RUNDC3B: variants seen among roughly 807,000 people sequenced by gnomAD.
RUNDC3B encodes the protein RUN domain-containing protein 3B.
In RUNDC3B, 33 loss-of-function variants were observed where a neutral mutation model predicts 58.4. That is an observed-to-expected ratio of 0.56 (90% CI 0.43 to 0.75). The LOEUF (loss-of-function observed/expected upper bound fraction) is 0.75, where lower values mean the gene tolerates loss of function less well. Ranked by LOEUF, RUNDC3B falls within the 30% of genes least tolerant of loss-of-function variation. The pLI, the probability that RUNDC3B is intolerant of heterozygous loss-of-function variation, is 0.00. For synonymous variants in RUNDC3B, 193 were observed against 195.2 expected (o/e 0.99, Z 0.10); for missense variants, 501 against 535.7 (o/e 0.94, Z 0.64).
intron 4 of RUNDC3B, among the ~76,000 whole-genome samples, chr7:87,726,028 C>A (rs1831209311): frequency 6.6e-6 from 1 of 152,076 alleles, no homozygotes; most frequent in African/African-American, 2.4e-5. Flanking sequence ...AAATGTTCTC[C>A]CATTCTGTAG....
chr7:87,689,248 T>C (rs1157489481), intron 2 of RUNDC3B, among the ~76,000 whole-genome samples: 1 of 152,128 alleles, frequency 6.6e-6, no homozygotes, highest in African/African-American at 2.4e-5. Context: ...TCCAATTTCA[T>C]GTCTAACAGA....
intron 8 of RUNDC3B, among the ~76,000 whole-genome samples, chr7:87,784,287 C>CT (rs1835090173): frequency 6.6e-6 from 1 of 152,242 alleles, no homozygotes; most frequent in East Asian, 1.9e-4. Context: ...AGGAAATTCT[C>CT]TGAGTTTTTG....
Position 87,773,741 on chromosome 7 carries a change from G to T in RUNDC3B, c.798+2992G>T, listed in dbSNP as rs537491027. 1.2e-4 allele frequency among the ~76,000 whole-genome samples: 18 copies of T among 151,914 alleles called. No individual in the cohort carries two copies. The East Asian group carries it at 3.5e-3, about 29-fold the overall frequency. On this transcript the variant is annotated intron_variant, in intron 7 of 10. Transcript: ENST00000394654. ...CACCCAGGCTGGAGTGCAGTGGCGC[G>T]ATCTTGGCTCACTGAAACCTCCACC... is the stretch of plus-strand genomic sequence containing the variant.
At chr7:87,798,581 T>TCAAGCTCA (rs1197756344) in intron 8 of RUNDC3B, among the ~76,000 whole-genome samples, 4 of 152,236 alleles carry the variant, frequency 2.6e-5, no homozygotes, top group Admixed American at 2.6e-4. Flanking sequence ...ACAAGATATC[T>TCAAGCTCA]CAAGCTCATC....
At chr7:87,704,178 C>G (rs944429797) in intron 3 of RUNDC3B, among the ~76,000 whole-genome samples, 1 of 151,924 alleles carries the variant, frequency 6.6e-6, no homozygotes, top group Non-Finnish European at 1.5e-5. Flanking sequence ...GCCTCAGCCT[C>G]GCAAAGTGCT....
chr7:87,740,975 C>A (rs187795132), intron 5 of RUNDC3B, among the ~76,000 whole-genome samples: 135 of 152,130 alleles, frequency 8.9e-4, no homozygotes, highest in African/African-American at 3.2e-3. Flanking sequence ...GAGGCTGAGG[C>A]GGGCAGATCA....
At chr7:87,727,723 T>C (rs574167052) in intron 4 of RUNDC3B, among the ~76,000 whole-genome samples, 128 of 152,286 alleles carry the variant, frequency 8.4e-4, no homozygotes, top group African/African-American at 3.1e-3. Context: ...AAATATTTTT[T>C]ATCTTATCAA....
In RUNDC3B at chr7:87,733,791, C is replaced by G. The variant is rs115862128; in HGVS notation, c.459-6000C>G. Among the ~76,000 whole-genome samples the G allele has an allele frequency of 4.2e-3, 632 of 152,276 alleles. 1 individual carries two copies. Among genetic ancestry groups the G allele is most frequent in the Admixed American group, 8.7e-3 (133 of 15,296 alleles). On this transcript the variant is annotated intron_variant, in intron 4 of 10. Transcript: ENST00000394654. ...TAATGCCTGAGTGAAGGAGTCGGAG[C>G]TTAGGTGATAATGTTCACTGGCCCA...
At chr7:87,760,787 G>T (rs1833636841) in intron 6 of RUNDC3B, among the ~76,000 whole-genome samples, 1 of 151,988 alleles carries the variant, frequency 6.6e-6, no homozygotes, top group African/African-American at 2.4e-5. Context: ...GCAAATGAGT[G>T]AATTTAGACC....
At chr7:87,694,135 T>C (rs1828284171) in intron 2 of RUNDC3B, 7 of 635,556 alleles carry the variant, frequency 1.1e-5, no homozygotes, top group Admixed American at 6.3e-5. Context: ...ACAAGTATGC[T>C]TATGCTAATT....
At chr7:87,709,492 AG>A (rs1311859727) in intron 3 of RUNDC3B, 2 of 985,296 alleles carry the variant, frequency 2.0e-6, no homozygotes, top group Non-Finnish European at 2.4e-6. Context: ...GCAAGCTAAA[AG>A]GGATGTTGAG....
chr7:87,656,537 A>G (rs2130417985), intron 2 of RUNDC3B, among the ~76,000 whole-genome samples: 1 of 152,196 alleles, frequency 6.6e-6, no homozygotes, highest in Non-Finnish European at 1.5e-5. Context: ...ACACTTGAGA[A>G]AAAATGATAG....
At chr7:87,711,059 G>T (rs1282888724) in intron 4 of RUNDC3B, among the ~76,000 whole-genome samples, 1 of 151,962 alleles carries the variant, frequency 6.6e-6, no homozygotes, top group Non-Finnish European at 1.5e-5. Flanking sequence ...GGGCACGGTG[G>T]CTCACACCTA....
chr7:87,790,941 G>A (rs972738560), intron 8 of RUNDC3B, among the ~76,000 whole-genome samples: 3 of 152,118 alleles, frequency 2.0e-5, no homozygotes, highest in Non-Finnish European at 4.4e-5. Flanking sequence ...TAATAACAGA[G>A]AACATCCCAA....
chr7:87,752,484 A>G (rs1270140431), intron 6 of RUNDC3B, among the ~76,000 whole-genome samples: 6 of 152,122 alleles, frequency 3.9e-5, no homozygotes, highest in Non-Finnish European at 7.4e-5. Context: ...GGTAGAATTC[A>G]GCTGTGAATC....
At position 87,816,187 on chromosome 7, in the gene RUNDC3B, T is replaced by C. The variant is rs915990799; in HGVS notation, c.1150T>C (p.Ser384Pro). Residue 384 changes from serine (S) to proline (P), a missense_variant, in exon 10 of 11, where the codon TCT becomes CCT. Ser to Pro is a moderately conservative substitution (Grantham distance 74, BLOSUM62 -1). Coordinates refer to ENST00000394654, the MANE Select transcript of RUNDC3B (RefSeq NM_001134405.2). ...LDQLSAEVSL[S>P]QTSLDPGQSQ... ...CCAGTTATCAGCAGAAGTTAGCCTT[T>C]CTCAGACTTCACTAGATCCAGGCCA... 1.2e-6 allele frequency: 2 copies of C among 1,609,252 alleles called. No individual in the cohort carries two copies. The highest frequency in any genetic ancestry group is 1.3e-5 in the African/African-American group (1 of 74,806).
chr7:87,740,298 G>A (rs1054462499), intron 5 of RUNDC3B, among the ~76,000 whole-genome samples: 1 of 151,786 alleles, frequency 6.6e-6, no homozygotes, highest in Non-Finnish European at 1.5e-5. Context: ...AGGCTATCTT[G>A]GGTATCTTAC....
intron 10 of RUNDC3B, among the ~76,000 whole-genome samples, chr7:87,828,171 TC>T (rs1837935443): frequency 3.6e-5 from 5 of 138,158 alleles, no homozygotes; most frequent in African/African-American, 1.4e-4. Flanking sequence ...AATTAAATTT[TC>T]TTTTTTAAAA....
intron 1 of RUNDC3B, among the ~76,000 whole-genome samples, chr7:87,648,436 C>T (rs1823246009): frequency 6.6e-6 from 1 of 150,688 alleles, no homozygotes; most frequent in Non-Finnish European, 1.5e-5. Context: ...GAACACTTCA[C>T]ATTAAAGGGC....
Sources: gnomAD v4.1 joint callset for allele counts (sites outside exome capture counted in the v4.1 genomes callset) on GRCh38, gnomAD v4.1.1 for gene constraint, MANE v1.5 for transcripts, NCBI Gene and HGNC (gene_info 2026-07-23, HGNC 2026-07-21) for gene names.